The following SYT7 variants were observed in gnomAD, a reference collection of about 807,000 sequenced individuals.
SYT7 encodes the protein synaptotagmin 7, also known as synaptotagmin-7.
SYT7 carries 29 observed loss-of-function variants against 75.1 expected under a neutral mutation model. That is an observed-to-expected ratio of 0.39 (90% CI 0.29 to 0.53). The LOEUF is 0.53. Among genes scored for constraint, SYT7 ranks in the 20% least tolerant of loss-of-function variants. The pLI is 0.77. For synonymous variants in SYT7, 376 were observed against 401.7 expected, an observed-to-expected ratio of 0.94 and a Z score of 0.76; for missense variants, 693 against 953.2, an observed-to-expected ratio of 0.73 and a Z score of 3.59.
chr11:61,577,527 T>C (rs1321119204), intron 1 of SYT7, among the ~76,000 whole-genome samples: 2 of 152,172 alleles, frequency 1.3e-5, no homozygotes, highest in Non-Finnish European at 2.9e-5. Context: ...CACCCCTAAC[T>C]TCTGCACCTC....
chr11:61,580,763 G>A lies in SYT7; in HGVS notation c.31+27C>T. The A allele has an allele frequency of 1.6e-6, 2 of 1,239,722 alleles. No homozygotes were observed. The highest frequency in any genetic ancestry group is 3.2e-5 in the South Asian group (1 of 30,926). The allele number at this position is 1,239,722 out of a possible 1,614,324, so 76.8% of individuals were successfully genotyped here. The stretch of plus-strand genomic sequence containing the variant: ...GCTGTCCTGCCCGCCGGTGCGGGGC[G>A]CCCCAGCCCGCCGGGGCCGCGCTTA... On this transcript the variant is annotated intron_variant, in intron 1 of 12. Transcript: ENST00000539008. The surrounding 1 kb of genome is among the most constrained non-coding windows in gnomAD (Gnocchi z 6.1).
At chr11:61,552,369 C>T (rs1449081041) in intron 2 of SYT7, among the ~76,000 whole-genome samples, 3 of 151,860 alleles carry the variant, frequency 2.0e-5, no homozygotes, top group African/African-American at 7.2e-5. Context: ...TATGGGCAGT[C>T]GGGGGACAGG....
At chr11:61,531,891 CAAAAAAAAA>C (rs58242073) in intron 8 of SYT7, among the ~76,000 whole-genome samples, 6 of 49,418 alleles carry the variant, frequency 1.2e-4, no homozygotes, top group South Asian at 7.8e-4. Context: ...GATTCTGTCT[CAAAAAAAAA>C]AAAAAAAAAA....
chr11:61,533,205 T>C, intron 7 of SYT7, 81 bp from the exon 8 acceptor site: 1 of 1,489,792 alleles, frequency 6.7e-7, no homozygotes, highest in Non-Finnish European at 8.9e-7. Context: ...TGGCAGGACC[T>C]TCTCTGAAGA....
intron 8 of SYT7, among the ~76,000 whole-genome samples, chr11:61,529,226 T>G (rs1023735662): frequency 6.6e-6 from 1 of 152,156 alleles, no homozygotes; most frequent in South Asian, 2.1e-4. Context: ...TAAGAAAAAC[T>G]GCAGGCATCT....
chr11:61,547,098 G>C, intron 4 of SYT7, 79 bp downstream of exon 4: 1 of 1,479,906 alleles, frequency 6.8e-7, no homozygotes, highest in South Asian at 1.3e-5. Context: ...GGGTCCAGAG[G>C]TGGGTGGGGG....
At position 61,517,498 on chromosome 11, in the gene SYT7, G is replaced by A; in HGVS notation, c.*1129C>T. The stretch of plus-strand genomic sequence containing the variant: ...CCACGCACGATGAGACGGAATGAAT[G>A]GAAGGTCTACAAGCATTGGGGGATG... On this transcript the variant is annotated 3_prime_UTR_variant, in exon 13 of 13. Transcript: ENST00000539008. The A allele has an allele frequency of 2.5e-6, 1 of 399,060 alleles. No homozygotes were observed. Among genetic ancestry groups the A allele is most frequent in the Non-Finnish European group, 4.4e-6 (1 of 226,296 alleles). 24.7% of individuals were successfully genotyped at this position (399,060 alleles called of 1,614,324 possible). A position where few individuals can be genotyped will look rare whatever the true frequency, so the allele number is the denominator to read the frequency against.
chr11:61,581,032 G>C lies in SYT7; in HGVS notation c.-212C>G. The C allele has an allele frequency of 2.7e-6, 2 of 728,014 alleles. No homozygotes were observed. The highest frequency in any genetic ancestry group is 3.3e-6 in the Non-Finnish European group (2 of 602,626). 45.1% of individuals were successfully genotyped at this position (728,014 alleles called of 1,614,324 possible). ...CGCGGAGCACGCTGCCGCCGCCGCC[G>C]AACAGCGCCGAGCCGCCTCCCTCCG... On this transcript the variant is annotated 5_prime_UTR_variant, in exon 1 of 13. Coordinates refer to ENST00000539008, the MANE Select transcript of SYT7 (RefSeq NM_001365809.2).
intron 9 of SYT7, chr11:61,525,616 T>C (rs536185700): frequency 4.6e-5 from 7 of 152,150 alleles, no homozygotes; most frequent in East Asian, 1.9e-4. Flanking sequence ...CACGCGGTAA[T>C]AGATTTCTCT....
Position 61,546,984 on chromosome 11 carries a change from T to G in SYT7, c.347+193A>C, listed in dbSNP as rs1590891506. 1.4e-5 allele frequency among the ~76,000 whole-genome samples: 2 copies of G among 142,008 alleles called. No homozygotes were observed. Among genetic ancestry groups the G allele is most frequent in the African/African-American group, 2.6e-5 (1 of 37,738 alleles). The allele number at this position is 142,008 out of a possible 152,430, so 93.2% of individuals were successfully genotyped here. A position where few individuals can be genotyped will look rare whatever the true frequency, so the allele number is the denominator to read the frequency against. On this transcript the variant is annotated intron_variant, in intron 4 of 12. Transcript: ENST00000539008. The surrounding 1 kb of genome is among the most constrained non-coding windows in gnomAD (Gnocchi z 7.6). ...GAGGGGACGGGAGCGGGCAGGCAGGTGGGTTGGGGCAGGTGGGGTTGCTCG... is the reference window on the plus strand; with the variant it reads ...GAGGGGACGGGAGCGGGCAGGCAGGGGGGTTGGGGCAGGTGGGGTTGCTCG...
intron 6 of SYT7, chr11:61,540,384 A>C (rs2063006821): frequency 2.0e-6 from 1 of 500,112 alleles, no homozygotes; most frequent in Non-Finnish European, 2.6e-6. Context: ...ATTACGGCCC[A>C]CGAGCTAAGA....
At chr11:61,568,488 C>T (rs1163353487) in intron 1 of SYT7, among the ~76,000 whole-genome samples, 4 of 152,214 alleles carry the variant, frequency 2.6e-5, no homozygotes, top group Non-Finnish European at 4.4e-5. Context: ...GCCTTCCAGC[C>T]ACCCTGCCTC....
intron 1 of SYT7, among the ~76,000 whole-genome samples, chr11:61,562,176 C>A (rs973209398): frequency 1.3e-5 from 2 of 152,200 alleles, no homozygotes; most frequent in Non-Finnish European, 2.9e-5. Flanking sequence ...GAAAAGACCT[C>A]CTCCAGGAAG....
At chr11:61,533,319 C>T (rs1418068473) in intron 7 of SYT7, 195 bp from the exon 8 acceptor site, 1 of 985,350 alleles carries the variant, frequency 1.0e-6, no homozygotes. Context: ...ATTCTCCTTG[C>T]AGCCTCTACC....
chr11:61,533,742 G>A (rs1471684006), intron 7 of SYT7: 4 of 883,534 alleles, frequency 4.5e-6, no homozygotes, highest in Non-Finnish European at 5.4e-6. Context: ...CATGCCACAC[G>A]TGTGCACTTG....
chr11:61,579,256 G>C (rs1291161457), intron 1 of SYT7, among the ~76,000 whole-genome samples: 2 of 152,244 alleles, frequency 1.3e-5, no homozygotes, highest in Non-Finnish European at 2.9e-5. Flanking sequence ...AAGAAGGTGA[G>C]CAGAGCAAGA....
chr11:61,514,998 C>G lies in SYT7; in HGVS notation c.*3629G>C, dbSNP rs779755300. Reference sequence around the variant, plus strand: ...GTCCTCTGGGAACTGAGGGAGGGGACGTCAGGCTGGGTGACCCTGGAGGGC... The same window carrying G: ...GTCCTCTGGGAACTGAGGGAGGGGAGGTCAGGCTGGGTGACCCTGGAGGGC... On this transcript the variant is annotated 3_prime_UTR_variant, in exon 13 of 13. Coordinates refer to ENST00000539008, the MANE Select transcript of SYT7 (RefSeq NM_001365809.2). Among the ~76,000 whole-genome samples, 2 of 152,268 alleles carry G rather than the reference C, an allele frequency of 1.3e-5. No individual in the cohort carries two copies. Among genetic ancestry groups the G allele is most frequent in the South Asian group, 4.1e-4 (2 of 4,828 alleles).
chr11:61,533,054 G>A lies in SYT7; in HGVS notation c.1135C>T (p.Arg379Cys), dbSNP rs769192468. The A allele has an allele frequency of 7.4e-6, 12 of 1,613,254 alleles. No homozygotes were observed. The highest frequency in any genetic ancestry group is 2.7e-5 in the African/African-American group (2 of 74,930). ...ACGGAGGAACGTGGCTCGGTCCGGC[G>A]GTCGGACTCATCGTGGGGTGTCTGG... ...PGQTPHDESDRRTEPRSSVSD... is the reference protein window; with the variant it reads ...PGQTPHDESDCRTEPRSSVSD... The change falls in exon 8 of 13, where the codon CGC becomes TGC. Residue 379 changes from arginine (R) to cysteine (C), a missense_variant. Coordinates refer to ENST00000539008, the MANE Select transcript of SYT7 (RefSeq NM_001365809.2).
In SYT7 at chr11:61,517,552, C is replaced by A. The variant is rs1490472511; in HGVS notation, c.*1075G>T. The A allele has an allele frequency of 5.0e-6, 2 of 399,554 alleles. No individual in the cohort carries two copies. The highest frequency in any genetic ancestry group is 8.8e-6 in the Non-Finnish European group (2 of 226,724). The allele number at this position is 399,554 out of a possible 1,614,324, so 24.8% of individuals were successfully genotyped here. On this transcript the variant is annotated 3_prime_UTR_variant, in exon 13 of 13. Coordinates refer to ENST00000539008, the MANE Select transcript of SYT7 (RefSeq NM_001365809.2). ...GGGTGGAGGAAAGAAGGGTGGAGGT[C>A]TGCACAGGCAGGGAGAGATGAGGAA...
Sources: allele counts gnomAD v4.1 joint callset (sites outside exome capture counted in the v4.1 genomes callset), GRCh38; gene constraint gnomAD v4.1.1; non-coding constraint Gnocchi (gnomAD v3.1); transcripts MANE v1.5; gene names NCBI Gene and HGNC (gene_info 2026-07-23, HGNC 2026-07-21).